LEPR: variants seen among roughly 807,000 people sequenced by gnomAD.
LEPR encodes leptin receptor.
Under a neutral mutation model 114.7 loss-of-function variants are expected in LEPR, and 56 were observed. That is an observed-to-expected ratio of 0.49 (90% CI 0.39 to 0.61). The LOEUF (loss-of-function observed/expected upper bound fraction) is 0.61. Ranked by LOEUF, LEPR falls within the 20% of genes least tolerant of loss-of-function variation. LEPR has a pLI of 0.00. For synonymous variants in LEPR, 443 were observed against 461.4 expected, an observed-to-expected ratio of 0.96 and a Z score of 0.51; for missense variants, 1,202 against 1,352.9, an observed-to-expected ratio of 0.89 and a Z score of 1.75.
chr1:65,441,791 G>T (rs1646652856), intron 2 of LEPR, among the ~76,000 whole-genome samples: 1 of 152,184 alleles, frequency 6.6e-6, no homozygotes, highest in African/African-American at 2.4e-5. Context: ...CAGTGCCAGG[G>T]AGACCCTCTG....
intron 2 of LEPR, among the ~76,000 whole-genome samples, chr1:65,507,911 T>G (rs1648837767): frequency 6.6e-6 from 1 of 152,188 alleles, no homozygotes; most frequent in East Asian, 1.9e-4. Context: ...CCCATTGTAG[T>G]TTTAATATGC....
chr1:65,549,505 T>G lies in LEPR; in HGVS notation c.-20-16041T>G, dbSNP rs7552742. On this transcript the variant is annotated intron_variant, in intron 2 of 19. Coordinates refer to ENST00000349533, the MANE Select transcript of LEPR (RefSeq NM_002303.6). ...AGTCCCATATTTCTTGGAGGCTTTGTTCGTTTCTTTTTATTCTTTTTTCTC... is the reference window on the plus strand; with the variant it reads ...AGTCCCATATTTCTTGGAGGCTTTGGTCGTTTCTTTTTATTCTTTTTTCTC... Among the ~76,000 whole-genome samples, 295 of 151,936 alleles carry G rather than the reference T, an allele frequency of 1.9e-3. 1 individual carries two copies. Among genetic ancestry groups the G allele is most frequent in the African/African-American group, 6.9e-3 (287 of 41,380 alleles).
intron 2 of LEPR, among the ~76,000 whole-genome samples, chr1:65,451,248 G>A (rs1646780868): frequency 6.6e-6 from 1 of 151,756 alleles, no homozygotes; most frequent in Non-Finnish European, 1.5e-5. Context: ...TCTGATGGTG[G>A]TTTCTTTTGC....
chr1:65,638,348 C>G lies in LEPR; in HGVS notation c.*1333C>G, dbSNP rs970903666. Reference sequence around the variant, plus strand: ...ATACATAAGTTTATTATTTATTCAACTTTTGGTACGGTAAAAAAATTCAAA... The same window carrying G: ...ATACATAAGTTTATTATTTATTCAAGTTTTGGTACGGTAAAAAAATTCAAA... On this transcript the variant is annotated 3_prime_UTR_variant, in exon 20 of 20. Transcript: ENST00000349533. The G allele has an allele frequency of 6.6e-6, 1 of 152,168 alleles. No homozygotes were observed. The highest frequency in any genetic ancestry group is 6.5e-5 in the Admixed American group (1 of 15,272). The allele number at this position is 152,168 out of a possible 1,614,324, so 9.4% of individuals were successfully genotyped here. A position where few individuals can be genotyped will look rare whatever the true frequency, so the allele number is the denominator to read the frequency against.
At position 65,421,445 on chromosome 1, in the gene LEPR, G is replaced by T. The variant is rs867555334; in HGVS notation, c.-97+705G>T. 26 of 1,535,972 alleles carry T rather than the reference G, an allele frequency of 1.7e-5. No individual in the cohort carries two copies. The African/African-American group carries it at 3.4e-4, about 20-fold the overall frequency. Reference sequence around the variant, plus strand: ...CGAGACGGAAAAGGTTTTTTGCAAGGCTTCCTGTATTTTGGTAGGAAAACA... The same window carrying T: ...CGAGACGGAAAAGGTTTTTTGCAAGTCTTCCTGTATTTTGGTAGGAAAACA... On this transcript the variant is annotated intron_variant, in intron 1 of 19. Transcript: ENST00000349533.
intron 5 of LEPR, 115 bp from the exon 6 acceptor site, chr1:65,592,541 CT>C: frequency 9.0e-7 from 1 of 1,106,486 alleles, no homozygotes; most frequent in South Asian, 1.4e-5. Flanking sequence ...TTCAGATACC[CT>C]TTAAGCTGGG....
intron 2 of LEPR, among the ~76,000 whole-genome samples, chr1:65,506,722 A>G (rs776957438): frequency 1.5e-4 from 23 of 152,248 alleles, no homozygotes; most frequent in South Asian, 6.2e-4. Flanking sequence ...TGATACATGT[A>G]TACTCTGTGG....
chr1:65,487,058 A>G (rs17412723), intron 2 of LEPR, among the ~76,000 whole-genome samples: 49,517 of 152,122 alleles, frequency 0.33, 10,310 homozygotes, highest in Non-Finnish European at 0.47. Flanking sequence ...CATATTCTGC[A>G]CACAGATAAC....
intron 2 of LEPR, among the ~76,000 whole-genome samples, chr1:65,556,171 G>C (rs745829551): frequency 6.6e-6 from 1 of 152,108 alleles, no homozygotes; most frequent in Non-Finnish European, 1.5e-5. Flanking sequence ...TGGCAAGAAG[G>C]CACCATCTAT....
chr1:65,563,555 G>C (rs1180251586), intron 2 of LEPR, among the ~76,000 whole-genome samples: 2,948 of 65,014 alleles, frequency 0.045, no homozygotes, highest in East Asian at 0.053. Flanking sequence ...CTCTCAGCTC[G>C]TCAAAGTCAT....
chr1:65,426,579 A>G (rs1439021486), intron 2 of LEPR, among the ~76,000 whole-genome samples: 2 of 152,170 alleles, frequency 1.3e-5, no homozygotes, highest in Admixed American at 1.3e-4. Flanking sequence ...AGGAATGGAA[A>G]GAAAAGGAGA....
At chr1:65,578,648 C>T (rs1654765756) in intron 5 of LEPR, among the ~76,000 whole-genome samples, 1 of 152,172 alleles carries the variant, frequency 6.6e-6, no homozygotes, top group South Asian at 2.1e-4. Flanking sequence ...GTATTAATTG[C>T]TCCTCACATT....
chr1:65,435,482 C>T (rs1388058014), intron 2 of LEPR: 2 of 419,136 alleles, frequency 4.8e-6, no homozygotes, highest in Non-Finnish European at 6.4e-6. Context: ...ATTCTCCTGC[C>T]TCAGCCTCCC....
At position 65,608,871 on chromosome 1, in the gene LEPR, T is replaced by C. The variant is rs773934963; in HGVS notation, c.1722T>C (p.Tyr574=). Reference sequence around the variant, plus strand: ...ATAACCTTCAATTCCAGATTCGCTATGGTTTAAGTGGAAAAGAAGTACAAT... The same window carrying C: ...ATAACCTTCAATTCCAGATTCGCTACGGTTTAAGTGGAAAAGAAGTACAAT... ...PENNLQFQIR[Y]GLSGKEVQWK... is the part of the protein sequence containing the mutation. The change falls in exon 12 of 20, where the codon TAT becomes TAC. Residue 574 remains tyrosine (Y), a synonymous_variant. Coordinates refer to ENST00000349533, the MANE Select transcript of LEPR (RefSeq NM_002303.6). 3.7e-6 allele frequency: 6 copies of C among 1,613,754 alleles called. No homozygotes were observed. Among genetic ancestry groups the C allele is most frequent in the Admixed American group, 3.3e-5 (2 of 60,018 alleles).
intron 2 of LEPR, among the ~76,000 whole-genome samples, chr1:65,528,148 C>A (rs192329422): frequency 2.4e-5 from 3 of 122,872 alleles, no homozygotes; most frequent in East Asian, 4.0e-4. Flanking sequence ...GAAATAAATA[C>A]TAAAAGTATC....
intron 14 of LEPR, among the ~76,000 whole-genome samples, chr1:65,611,235 C>A (rs1466508538): frequency 6.6e-6 from 1 of 151,940 alleles, no homozygotes; most frequent in Non-Finnish European, 1.5e-5. Flanking sequence ...TTAATATTTC[C>A]AACTTAAAGT....
Position 65,427,297 on chromosome 1 carries a change from G to C in LEPR, c.-21+1919G>C, listed in dbSNP as rs137856381. 2.0e-5 allele frequency among the ~76,000 whole-genome samples: 3 copies of C among 152,284 alleles called. No homozygotes were observed. The East Asian group carries it at 5.8e-4, about 29-fold the overall frequency. On this transcript the variant is annotated intron_variant, in intron 2 of 19. Coordinates refer to ENST00000349533, the MANE Select transcript of LEPR (RefSeq NM_002303.6). ...GAACAGCAGTAAGTGACAGAGCCCGGCCGTGGTGGCTCATGCCTATAATCC... is the reference window on the plus strand; with the variant it reads ...GAACAGCAGTAAGTGACAGAGCCCGCCCGTGGTGGCTCATGCCTATAATCC...
At chr1:65,604,985 T>C in intron 10 of LEPR, 53 bp from the exon 11 acceptor site, 1 of 1,595,610 alleles carries the variant, frequency 6.3e-7, no homozygotes, top group Non-Finnish European at 8.5e-7. Context: ...TCAGATATCT[T>C]CTTGTTGCTT....
chr1:65,435,719 C>G (rs1389768698), intron 2 of LEPR: 29 of 985,208 alleles, frequency 2.9e-5, no homozygotes, highest in Non-Finnish European at 3.5e-5. Flanking sequence ...CCAATAGAAC[C>G]AAAATATTTA....
Sources: gnomAD v4.1 joint callset for allele counts (sites outside exome capture counted in the v4.1 genomes callset) on GRCh38, gnomAD v4.1.1 for gene constraint, MANE v1.5 for transcripts, NCBI Gene and HGNC (gene_info 2026-07-23, HGNC 2026-07-21) for gene names.